PKHD1L1: variants seen among roughly 807,000 people sequenced by gnomAD.
The protein encoded by PKHD1L1 is PKHD1 like 1.
In PKHD1L1, 434 loss-of-function variants were observed where a neutral mutation model predicts 462.9. The ratio of observed to expected loss-of-function variants is 0.94; its 90% confidence interval spans 0.87 to 1.02. PKHD1L1 has a LOEUF of 1.02. Ranked by LOEUF, PKHD1L1 falls within the 50% of genes least tolerant of loss-of-function variation. The pLI is 0.00. For missense variants in PKHD1L1, 5,202 were observed against 5,096.1 expected (o/e 1.02, Z -0.63); for synonymous variants, 1,781 against 1,750.0 (o/e 1.02, Z -0.44).
In PKHD1L1 at chr8:109,406,217, T is replaced by C. The variant is rs537906641; in HGVS notation, c.1670-118T>C. On this transcript the variant is annotated intron_variant, in intron 16 of 77. Coordinates refer to ENST00000378402, the MANE Select transcript of PKHD1L1 (RefSeq NM_177531.6). ...CAATTTCTCTAAGTGATAACTTACA[T>C]GGTACAGAGTATAGGTGCTTTAAAA... 1.4e-5 allele frequency: 12 copies of C among 868,814 alleles called. No individual in the cohort carries two copies. The African/African-American group carries it at 1.7e-4, about 13-fold the overall frequency. The allele number at this position is 868,814 out of a possible 1,614,324, so 53.8% of individuals were successfully genotyped here.
At chr8:109,369,440 C>T (rs1811385856) in intron 2 of PKHD1L1, among the ~76,000 whole-genome samples, 1 of 151,880 alleles carries the variant, frequency 6.6e-6, no homozygotes, top group South Asian at 2.1e-4. Flanking sequence ...TCATTATTTT[C>T]CCATAGATTT....
In PKHD1L1 at chr8:109,400,183, G is replaced by A. The variant is rs1243441347; in HGVS notation, c.1120G>A (p.Val374Ile). The A allele has an allele frequency of 2.5e-6, 4 of 1,613,612 alleles. No individual in the cohort carries two copies. The highest frequency in any genetic ancestry group is 2.2e-5 in the East Asian group (1 of 44,888). ...GCCTGGGTACATGGGTGCCAGTTGG[G>A]TAGATTCAGCTTCCTATATTTGGCT... Reference protein sequence around the residue: ...KTPGYMGASWVDSASYIWLME... With the variant: ...KTPGYMGASWIDSASYIWLME... Residue 374 changes from valine (V) to isoleucine (I), a missense_variant, in exon 13 of 78, where the codon GTA becomes ATA. Val to Ile is a conservative substitution (Grantham distance 29, BLOSUM62 3). Around this residue, in one of 3 missense-constraint regions of PKHD1L1, gnomAD observed 4,497 missense variants for 4,336.8 expected, o/e 1.04. Coordinates refer to ENST00000378402, the MANE Select transcript of PKHD1L1 (RefSeq NM_177531.6).
intron 10 of PKHD1L1, among the ~76,000 whole-genome samples, chr8:109,395,494 A>G (rs1342076970): frequency 1.3e-5 from 2 of 152,238 alleles, no homozygotes; most frequent in African/African-American, 4.8e-5. Context: ...ATTCATATGT[A>G]AGAATACATA....
intron 77 of PKHD1L1, among the ~76,000 whole-genome samples, chr8:109,528,804 C>T (rs77778190): frequency 1.3e-3 from 196 of 152,196 alleles, no homozygotes; most frequent in Non-Finnish European, 2.1e-3. Flanking sequence ...ATTATAAGTA[C>T]GAAAAATCTG....
chr8:109,510,976 G>C, intron 71 of PKHD1L1, 42 bp downstream of exon 71: 5 of 1,590,792 alleles, frequency 3.1e-6, no homozygotes, highest in Non-Finnish European at 4.3e-6. Context: ...TTGATTATTT[G>C]CATGTTATTT....
chr8:109,451,273 C>G (rs1456552342), intron 41 of PKHD1L1, 124 bp downstream of exon 41: 3 of 1,055,080 alleles, frequency 2.8e-6, no homozygotes, highest in Non-Finnish European at 3.9e-6. Context: ...ATGCTCGTAA[C>G]TTAAGCTTAA....
chr8:109,434,394 T>G (rs1586501890), intron 28 of PKHD1L1, among the ~76,000 whole-genome samples: 2 of 151,844 alleles, frequency 1.3e-5, no homozygotes. Context: ...AAAAAAAAAG[T>G]AAGAAAATGT....
intron 71 of PKHD1L1, among the ~76,000 whole-genome samples, chr8:109,514,932 A>G (rs1820185266): frequency 6.6e-6 from 1 of 152,112 alleles, no homozygotes; most frequent in Admixed American, 6.6e-5. Context: ...TACTCCTCTA[A>G]TAATTTCTCT....
At position 109,502,047 on chromosome 8, in the gene PKHD1L1, C is replaced by CCCACA. The variant is rs369417725; in HGVS notation, c.10829-2256_10829-2252dup. Among the ~76,000 whole-genome samples the CCCACA allele has an allele frequency of 5.6e-3, 855 of 151,924 alleles. 11 individuals carry two copies. The highest frequency in any genetic ancestry group is 0.018 in the African/African-American group (745 of 41,428). Reference sequence around the variant, plus strand: ...AATTTCTTTTAATTGGAAAGATCTTCCCACACCACACCACACCACACCACA... The same window carrying CCCACA: ...AATTTCTTTTAATTGGAAAGATCTTCCCACACCACACCACACCACACCACACCACA... On this transcript the variant is annotated intron_variant, in intron 67 of 77. Coordinates refer to ENST00000378402, the MANE Select transcript of PKHD1L1 (RefSeq NM_177531.6).
At chr8:109,412,492 GA>G in intron 20 of PKHD1L1, 78 bp downstream of exon 20, 1 of 1,393,704 alleles carries the variant, frequency 7.2e-7, no homozygotes, top group Non-Finnish European at 9.6e-7. Flanking sequence ...TTTAAGACAA[GA>G]AAAAATATTT....
chr8:109,479,492 A>G, intron 53 of PKHD1L1, 59 bp from the exon 54 acceptor site: 1 of 1,147,126 alleles, frequency 8.7e-7, no homozygotes, highest in East Asian at 2.6e-5. Context: ...TACATTTTAG[A>G]CAAAATTAGG....
Position 109,381,499 on chromosome 8 carries a change from T to A in PKHD1L1, c.293T>A (p.Ile98Asn), listed in dbSNP as rs768067754. The change falls in exon 3 of 78, where the codon ATT (isoleucine) becomes AAT (asparagine). Residue 98 changes from isoleucine (I) to asparagine (N), a missense_variant. Physicochemically the swap from Ile to Asn is moderately radical, Grantham distance 149 (BLOSUM62 -3). Around this residue, in one of 3 missense-constraint regions of PKHD1L1, gnomAD observed 4,497 missense variants for 4,336.8 expected, o/e 1.04. Transcript: ENST00000378402. ...AAAGATGCAAGTCATTCAACTCAAATTACATGCTATACTAGGTCTGTTTTA... is the reference window on the plus strand; with the variant it reads ...AAAGATGCAAGTCATTCAACTCAAAATACATGCTATACTAGGTCTGTTTTA... ...VEKDASHSTQ[I>N]TCYTRAMPED... is the part of the protein sequence containing the mutation. 1 of 1,575,014 alleles carries A rather than the reference T, an allele frequency of 6.3e-7. No individual in the cohort carries two copies. The highest frequency in any genetic ancestry group is 8.7e-7 in the Non-Finnish European group (1 of 1,155,790).
rs569799865 is a variant in PKHD1L1, at chr8:109,362,961, C to T, written c.73+308C>T. Among the ~76,000 whole-genome samples the T allele has an allele frequency of 3.3e-5, 5 of 152,288 alleles. No individual in the cohort carries two copies. The East Asian group carries it at 7.7e-4, about 24-fold the overall frequency. On this transcript the variant is annotated intron_variant, in intron 1 of 77. Coordinates refer to ENST00000378402, the MANE Select transcript of PKHD1L1 (RefSeq NM_177531.6). ...GCACCCACAAAGTGACACAAGTAGA[C>T]TGAAATTTGGCGGGGGAGTGGGGAC...
intron 22 of PKHD1L1, 48 bp from the exon 23 acceptor site, chr8:109,420,470 C>T: frequency 7.8e-7 from 1 of 1,277,604 alleles, no homozygotes; most frequent in Admixed American, 3.4e-5. Context: ...ATGGCAAAAA[C>T]CACAGTTACT....
intron 21 of PKHD1L1, 113 bp downstream of exon 21, chr8:109,413,658 G>T: frequency 4.1e-6 from 3 of 728,652 alleles, no homozygotes; most frequent in Non-Finnish European, 3.9e-6. Context: ...GGGAGATGAG[G>T]GCAAATAATG....
At chr8:109,423,648 T>C (rs1005580117) in intron 23 of PKHD1L1, among the ~76,000 whole-genome samples, 3 of 152,228 alleles carry the variant, frequency 2.0e-5, no homozygotes, top group South Asian at 2.1e-4. Flanking sequence ...AGATTATTTA[T>C]GTCTACAAAA....
chr8:109,459,672 C>A lies in PKHD1L1; in HGVS notation c.7082C>A (p.Pro2361Gln), dbSNP rs1353368988. 6.2e-7 allele frequency: 1 copy of A among 1,609,448 alleles called. No homozygotes were observed. The highest frequency in any genetic ancestry group is 1.1e-5 in the South Asian group (1 of 90,216). ...ADGINITLSN[P>Q]LNYTHLGITV... ...GGCATAAACATAACACTAAGTAACCCACTAAATTACACACACTTAGGAATT... is the reference window on the plus strand; with the variant it reads ...GGCATAAACATAACACTAAGTAACCAACTAAATTACACACACTTAGGAATT... Residue 2361 changes from proline (P) to glutamine (Q), a missense_variant, in exon 47 of 78, where the codon CCA (proline) becomes CAA (glutamine). Coordinates refer to ENST00000378402, the MANE Select transcript of PKHD1L1 (RefSeq NM_177531.6).
At position 109,498,821 on chromosome 8, in the gene PKHD1L1, T is replaced by A. The variant is rs557500742; in HGVS notation, c.10828+50T>A. 5 of 1,414,998 alleles carry A rather than the reference T, an allele frequency of 3.5e-6. No individual in the cohort carries two copies. In the African/African-American group the frequency reaches 7.2e-5, roughly 20 times the overall value. 87.7% of individuals were successfully genotyped at this position (1,414,998 alleles called of 1,614,324 possible). On this transcript the variant is annotated intron_variant, in intron 67 of 77. Coordinates refer to ENST00000378402, the MANE Select transcript of PKHD1L1 (RefSeq NM_177531.6). ...CTTCTCAATTAATTTCTGTAAAGAA[T>A]ATGTAGAGGATAACTAATAATGTTT...
chr8:109,403,438 T>C (rs990408110), intron 14 of PKHD1L1, among the ~76,000 whole-genome samples: 1 of 152,184 alleles, frequency 6.6e-6, no homozygotes, highest in Non-Finnish European at 1.5e-5. Flanking sequence ...AAAGGAATAA[T>C]ATCTATTTTA....
Sources: allele counts gnomAD v4.1 joint callset (sites outside exome capture counted in the v4.1 genomes callset), GRCh38; gene constraint gnomAD v4.1.1; regional missense constraint gnomAD v4.1.1; transcripts MANE v1.5; gene names NCBI Gene and HGNC (gene_info 2026-07-23, HGNC 2026-07-21).